TBC1D24: variants seen among roughly 807,000 people sequenced by gnomAD.
The protein encoded by TBC1D24 is TBC1 domain family member 24, also known as Infantile myoclonic epilepsy.
TBC1D24 carries 47 observed loss-of-function variants against 50.7 expected under a neutral mutation model. The observed-to-expected ratio is 0.93, with a 90% CI of 0.73 to 1.18. The LOEUF is 1.18. Ranked by LOEUF, TBC1D24 falls within the 50% of genes most tolerant of loss-of-function variation. The pLI is 0.00. For missense variants in TBC1D24, 688 were observed against 766.5 expected (o/e 0.90, Z 1.21); for synonymous variants, 324 against 335.2 (o/e 0.97, Z 0.36).
rs796053403 is a variant in TBC1D24, at chr16:2,496,621, TC to T, written c.475del (p.Leu159TrpfsTer10). 19 of 1,611,600 alleles carry T rather than the reference TC, an allele frequency of 1.2e-5. No individual in the cohort carries two copies. Among genetic ancestry groups the T allele is most frequent in the Non-Finnish European group, 1.5e-5 (18 of 1,180,020 alleles). On this transcript the variant is annotated frameshift_variant, in exon 2 of 8. Coordinates refer to ENST00000646147, the MANE Select transcript of TBC1D24 (RefSeq NM_001199107.2). LOFTEE classifies it high-confidence loss of function. Reference protein sequence around the residue: ...EAECFEKACRILACNDPGRRL... With the variant: ...EAECFEKACRXLACNDPGRRL... ...GAGTGCTTCGAGAAGGCCTGCCGCA[TC>T]CTGGCCTGCAATGACCCCGGCAGGA...
chr16:2,480,107 G>A lies in TBC1D24; in HGVS notation c.-116+4937G>A, dbSNP rs532491713. The A allele has an allele frequency of 3.9e-5, 6 of 152,086 alleles. No individual in the cohort carries two copies. In the East Asian group the frequency reaches 1.2e-3, roughly 29 times the overall value. The allele number at this position is 152,086 out of a possible 1,614,324, so 9.4% of individuals were successfully genotyped here. A position where few individuals can be genotyped will look rare whatever the true frequency, so the allele number is the denominator to read the frequency against. On this transcript the variant is annotated intron_variant, in intron 1 of 7. Transcript: ENST00000646147. Reference sequence around the variant, plus strand: ...GGCCTCCTAAAGTGCTGAGATTACAGGTGTGAGCCACCGTGCCTGGTCGTT... The same window carrying A: ...GGCCTCCTAAAGTGCTGAGATTACAAGTGTGAGCCACCGTGCCTGGTCGTT...
intron 4 of TBC1D24, 73 bp downstream of exon 4, chr16:2,498,469 G>A: frequency 6.9e-7 from 1 of 1,455,450 alleles, no homozygotes; most frequent in Non-Finnish European, 9.3e-7. Flanking sequence ...GGCTGGAAAT[G>A]GGCCTCAAAC....
intron 1 of TBC1D24, chr16:2,484,685 G>C (rs1353499451): frequency 6.6e-6 from 1 of 152,372 alleles, no homozygotes; most frequent in South Asian, 2.1e-4. Context: ...CTCTTCCGTC[G>C]TGGTCCACTG....
At position 2,500,332 on chromosome 16, in the gene TBC1D24, C is replaced by G; in HGVS notation, c.1367C>G (p.Pro456Arg). ...AAGCACCCCGAGCTGACCAAGCCCC[C>G]ACCCTTGATGGCTGCCGAGCCCACC... ...VIKHPELTKP[P>R]PLMAAEPTAP... Residue 456 changes from proline (P) to arginine (R), a missense_variant, in exon 7 of 8, where the codon CCA becomes CGA. By Grantham distance (103) the Pro-to-Arg change is moderately radical. Coordinates refer to ENST00000646147, the MANE Select transcript of TBC1D24 (RefSeq NM_001199107.2). The surrounding 1 kb of genome is among the most constrained non-coding windows in gnomAD (Gnocchi z 8.0). The G allele has an allele frequency of 6.2e-7, 1 of 1,611,476 alleles. No individual in the cohort carries two copies. The highest frequency in any genetic ancestry group is 8.5e-7 in the Non-Finnish European group (1 of 1,179,354).
chr16:2,485,421 G>A lies in TBC1D24; in HGVS notation c.-116+10251G>A, dbSNP rs1438312749. ...ACAGCTGAATAGGAGGGAGTGCCTG[G>A]AGGGCAGCACCGTGTCCCTCTCCCG... On this transcript the variant is annotated intron_variant, in intron 1 of 7. Coordinates refer to ENST00000646147, the MANE Select transcript of TBC1D24 (RefSeq NM_001199107.2). This position sits in a 1 kb window ranked among gnomAD's most constrained non-coding sequence, Gnocchi z 4.6. The A allele has an allele frequency of 6.6e-6, 1 of 152,246 alleles. No individual in the cohort carries two copies. Among genetic ancestry groups the A allele is most frequent in the Non-Finnish European group, 1.5e-5 (1 of 68,050 alleles). The allele number at this position is 152,246 out of a possible 1,614,324, so 9.4% of individuals were successfully genotyped here.
chr16:2,500,880 CA>C lies in TBC1D24; in HGVS notation c.1604del (p.Asn535ThrfsTer33). 1 of 1,613,154 alleles carries C rather than the reference CA, an allele frequency of 6.2e-7. No homozygotes were observed. Among genetic ancestry groups the C allele is most frequent in the Non-Finnish European group, 8.5e-7 (1 of 1,179,970 alleles). ...GCACAAGCCACTGCGACACCTTCAACAACCAGCCCCTCTGCTCCGAGAACTT... is the reference window on the plus strand; with the variant it reads ...GCACAAGCCACTGCGACACCTTCAACACCAGCCCCTCTGCTCCGAGAACTT... ...GRTSHCDTFN[N>X]QPLCSENFLI... On this transcript the variant is annotated frameshift_variant, in exon 8 of 8. Transcript: ENST00000646147. LOFTEE classifies it high-confidence loss of function. The surrounding 1 kb of genome is among the most constrained non-coding windows in gnomAD (Gnocchi z 8.0).
rs977721131 is a variant in TBC1D24 at position 2,499,075 on chromosome 16, G to A, written c.1143-282G>A. On this transcript the variant is annotated intron_variant, in intron 4 of 7. Coordinates refer to ENST00000646147, the MANE Select transcript of TBC1D24 (RefSeq NM_001199107.2). The surrounding 1 kb of genome is among the most constrained non-coding windows in gnomAD (Gnocchi z 4.0). Reference sequence around the variant, plus strand: ...CCAAACCTCCCCACCGCAGGGACCTGTTCCTCTGGTTCCTGCTTCCCCAGC... The same window carrying A: ...CCAAACCTCCCCACCGCAGGGACCTATTCCTCTGGTTCCTGCTTCCCCAGC... Among the ~76,000 whole-genome samples, 1 of 152,336 alleles carries A rather than the reference G, an allele frequency of 6.6e-6. No individual in the cohort carries two copies. The highest frequency in any genetic ancestry group is 1.5e-5 in the Non-Finnish European group (1 of 68,020).
chr16:2,477,842 A>C (rs1352368991), intron 1 of TBC1D24: 1 of 152,400 alleles, frequency 6.6e-6, no homozygotes, highest in East Asian at 1.9e-4. Flanking sequence ...ACCGGCAAGA[A>C]CAAGTGAGGG....
Position 2,485,768 on chromosome 16 carries a change from C to G in TBC1D24, c.-115-10266C>G, listed in dbSNP as rs538765723. On this transcript the variant is annotated intron_variant, in intron 1 of 7. Coordinates refer to ENST00000646147, the MANE Select transcript of TBC1D24 (RefSeq NM_001199107.2). This position sits in a 1 kb window ranked among gnomAD's most constrained non-coding sequence, Gnocchi z 4.6. Reference sequence around the variant, plus strand: ...GATTGCTTGCTGCCGGGAGAAACCCCCGCATCTTCTGGGTCGCAGATCCTG... The same window carrying G: ...GATTGCTTGCTGCCGGGAGAAACCCGCGCATCTTCTGGGTCGCAGATCCTG... Among the ~76,000 whole-genome samples the G allele has an allele frequency of 5.9e-5, 9 of 152,208 alleles. No homozygotes were observed. The highest frequency in any genetic ancestry group is 1.3e-4 in the Non-Finnish European group (9 of 68,036).
rs537168926 is a variant in TBC1D24 at position 2,482,204 on chromosome 16, G to A, written c.-116+7034G>A. ...TTGCGATTTCTCTGAGTCTCTGCCTGTTTTCTTCTCTGTTCCCTCCTTCCC... is the reference window on the plus strand; with the variant it reads ...TTGCGATTTCTCTGAGTCTCTGCCTATTTTCTTCTCTGTTCCCTCCTTCCC... On this transcript the variant is annotated intron_variant, in intron 1 of 7. Coordinates refer to ENST00000646147, the MANE Select transcript of TBC1D24 (RefSeq NM_001199107.2). The surrounding 1 kb of genome is among the most constrained non-coding windows in gnomAD (Gnocchi z 5.2). 6.6e-6 allele frequency: 1 copy of A among 152,390 alleles called. No individual in the cohort carries two copies. The highest frequency in any genetic ancestry group is 1.9e-4 in the East Asian group (1 of 5,186). The allele number at this position is 152,390 out of a possible 1,614,324, so 9.4% of individuals were successfully genotyped here.
At position 2,500,581 on chromosome 16, in the gene TBC1D24, G is replaced by A. The variant is rs2065784744; in HGVS notation, c.1525+91G>A. 7.1e-7 allele frequency: 1 copy of A among 1,409,538 alleles called. No homozygotes were observed. Among genetic ancestry groups the A allele is most frequent in the Non-Finnish European group, 9.6e-7 (1 of 1,043,698 alleles). The allele number at this position is 1,409,538 out of a possible 1,614,324, so 87.3% of individuals were successfully genotyped here. A position where few individuals can be genotyped will look rare whatever the true frequency, so the allele number is the denominator to read the frequency against. On this transcript the variant is annotated intron_variant, in intron 7 of 7. Coordinates refer to ENST00000646147, the MANE Select transcript of TBC1D24 (RefSeq NM_001199107.2). The surrounding 1 kb of genome is among the most constrained non-coding windows in gnomAD (Gnocchi z 8.0). ...CCAGCCCTCCCTGACCGGGGTGGCA[G>A]AGAAGAGGCCCTGGGTGTCAGGGTG...
In TBC1D24 at chr16:2,496,641, G is replaced by C; in HGVS notation, c.493G>C (p.Gly165Arg). Residue 165 changes from glycine to arginine, a missense_variant, in exon 2 of 8, where the codon GGC becomes CGC. Physicochemically the swap from Gly to Arg is moderately radical, Grantham distance 125. Coordinates refer to ENST00000646147, the MANE Select transcript of TBC1D24 (RefSeq NM_001199107.2). The part of the protein sequence containing the change: ...ACRILACNDP[G>R]RRLIDQSFLA... ...CCGCATCCTGGCCTGCAATGACCCCGGCAGGAGGCTGATCGACCAGAGCTT... is the reference window on the plus strand; with the variant it reads ...CCGCATCCTGGCCTGCAATGACCCCCGCAGGAGGCTGATCGACCAGAGCTT... 1 of 1,612,410 alleles carries C rather than the reference G, an allele frequency of 6.2e-7. No homozygotes were observed. The highest frequency in any genetic ancestry group is 1.1e-5 in the South Asian group (1 of 91,082).
At chr16:2,480,944 G>GC (rs1366022355) in intron 1 of TBC1D24, 1 of 152,272 alleles carries the variant, frequency 6.6e-6, no homozygotes, top group African/African-American at 2.4e-5. Flanking sequence ...CTTAGTCAGA[G>GC]CCCCAAAGGA....
rs1037769093 is a variant in TBC1D24 at position 2,485,619 on chromosome 16, C to T, written c.-115-10415C>T. 2 of 152,202 alleles carry T rather than the reference C, an allele frequency of 1.3e-5. No homozygotes were observed. Among genetic ancestry groups the T allele is most frequent in the Admixed American group, 6.5e-5 (1 of 15,282 alleles). The allele number at this position is 152,202 out of a possible 1,614,324, so 9.4% of individuals were successfully genotyped here. A position where few individuals can be genotyped will look rare whatever the true frequency, so the allele number is the denominator to read the frequency against. ...GTTGGTTGCTGAGAAGTTCCAGAGG[C>T]CTGGACTTCTGACTGGTGTCTGGAG... On this transcript the variant is annotated intron_variant, in intron 1 of 7. Coordinates refer to ENST00000646147, the MANE Select transcript of TBC1D24 (RefSeq NM_001199107.2). This position sits in a 1 kb window ranked among gnomAD's most constrained non-coding sequence, Gnocchi z 4.6.
chr16:2,481,021 C>T (rs1330578166), intron 1 of TBC1D24: 2 of 152,328 alleles, frequency 1.3e-5, no homozygotes, highest in East Asian at 3.8e-4. Flanking sequence ...GGGGCCCTGT[C>T]CTTTGACCAC....
Position 2,475,486 on chromosome 16 carries a change from G to T in TBC1D24, c.-116+316G>T, listed in dbSNP as rs1335675588. Among the ~76,000 whole-genome samples, 1 of 152,022 alleles carries T rather than the reference G, an allele frequency of 6.6e-6. No individual in the cohort carries two copies. Among genetic ancestry groups the T allele is most frequent in the Non-Finnish European group, 1.5e-5 (1 of 67,930 alleles). On this transcript the variant is annotated intron_variant, in intron 1 of 7. Transcript: ENST00000646147. This position sits in a 1 kb window ranked among gnomAD's most constrained non-coding sequence, Gnocchi z 4.2. ...CATGGTGTCGTCTGGAAGAGTGACT[G>T]TGTCACTGTTTCCTTGGGGCGCTTT...
At position 2,496,161 on chromosome 16, in the gene TBC1D24, G is replaced by C. The variant is rs772570554; in HGVS notation, c.13G>C (p.Gly5Arg). MDSP[G>R]YNCFVDKDKM... is the part of the protein sequence containing the mutation. Reference sequence around the variant, plus strand: ...GCACAGCGGCGCTATGGACTCTCCAGGATACAACTGCTTCGTGGACAAAGA... The same window carrying C: ...GCACAGCGGCGCTATGGACTCTCCACGATACAACTGCTTCGTGGACAAAGA... Residue 5 changes from glycine to arginine, a missense_variant, in exon 2 of 8, where the codon GGA becomes CGA. By Grantham distance (125) the Gly-to-Arg change is moderately radical. Transcript: ENST00000646147. The C allele has an allele frequency of 6.2e-6, 10 of 1,613,770 alleles. No homozygotes were observed. The highest frequency in any genetic ancestry group is 5.3e-5 in the African/African-American group (4 of 74,932).
intron 1 of TBC1D24, 109 bp from the exon 2 acceptor site, chr16:2,495,924 CG>C: frequency 1.8e-6 from 1 of 562,354 alleles, no homozygotes; most frequent in Non-Finnish European, 3.1e-6. Context: ...GGCAACAGAG[CG>C]AGACCCTGTC....
chr16:2,489,967 C>T lies in TBC1D24; in HGVS notation c.-115-6067C>T, dbSNP rs147262453. Among the ~76,000 whole-genome samples the T allele has an allele frequency of 1.9e-3, 292 of 152,340 alleles. 3 individuals carry two copies. Among genetic ancestry groups the T allele is most frequent in the East Asian group, 0.011 (59 of 5,188 alleles). ...GTGGGTGTGTCCGTGCTGCCCTCTG[C>T]GCCCTGTAGCGCAGCCAGCCTGTTC... On this transcript the variant is annotated intron_variant, in intron 1 of 7. Coordinates refer to ENST00000646147, the MANE Select transcript of TBC1D24 (RefSeq NM_001199107.2).
Sources: gnomAD v4.1 joint callset for allele counts (sites outside exome capture counted in the v4.1 genomes callset) on GRCh38, gnomAD v4.1.1 for gene constraint, Gnocchi (gnomAD v3.1) non-coding constraint, MANE v1.5 for transcripts, NCBI Gene and HGNC (gene_info 2026-07-23, HGNC 2026-07-21) for gene names.